Variants in CYP11A1 observed in about 807,000 individuals in gnomAD.
The protein encoded by CYP11A1 is cytochrome P450 family 11 subfamily A member 1, also known as cholesterol side-chain cleavage enzyme, mitochondrial.
In CYP11A1, 25 loss-of-function variants were observed where a neutral mutation model predicts 51.9. The observed-to-expected ratio is 0.48, with a 90% confidence interval of 0.35 to 0.67. The LOEUF (loss-of-function observed/expected upper bound fraction) is 0.67, where lower values mean the gene tolerates loss of function less well. Ranked by LOEUF, CYP11A1 falls within the 30% of genes least tolerant of loss-of-function variation. CYP11A1 has a pLI of 0.00. For synonymous variants in CYP11A1, 245 were observed against 262.1 expected (o/e 0.93, Z 0.63); for missense variants, 578 against 680.9 (o/e 0.85, Z 1.68).
At chr15:74,362,498 A>G in intron 1 of CYP11A1, 1 of 158,298 alleles carries the variant, frequency 6.3e-6, no homozygotes, top group Non-Finnish European at 1.4e-5. Context: ...TGGAAACATC[A>G]GAGAAAGACT....
At chr15:74,361,754 A>G (rs2060710013) in intron 1 of CYP11A1, 1 of 1,261,370 alleles carries the variant, frequency 7.9e-7, no homozygotes, top group South Asian at 1.2e-5. Flanking sequence ...GTGACTTCAT[A>G]TGCCATAATG....
At chr15:74,353,776 T>C (rs1184610540) in intron 1 of CYP11A1, among the ~76,000 whole-genome samples, 1 of 152,242 alleles carries the variant, frequency 6.6e-6, no homozygotes, top group East Asian at 1.9e-4. Context: ...TGTATGCATG[T>C]ATATAAAAAC....
At chr15:74,366,524 T>C (rs903476491) in intron 1 of CYP11A1, among the ~76,000 whole-genome samples, 5 of 151,190 alleles carry the variant, frequency 3.3e-5, no homozygotes, top group African/African-American at 1.2e-4. Flanking sequence ...TTCACCATGT[T>C]GGCCGGGTTG....
intron 5 of CYP11A1, among the ~76,000 whole-genome samples, chr15:74,340,409 T>C (rs776710521): frequency 1.3e-5 from 2 of 152,264 alleles, no homozygotes; most frequent in South Asian, 2.1e-4. Flanking sequence ...GATTCCTCAA[T>C]GATGACAAAC....
chr15:74,348,000 G>A lies in CYP11A1; in HGVS notation c.325C>T (p.Leu109Phe). The A allele has an allele frequency of 6.2e-7, 1 of 1,614,256 alleles. No homozygotes were observed. The highest frequency in any genetic ancestry group is 1.1e-5 in the South Asian group (1 of 91,088). The change falls in exon 2 of 9, where the codon CTT becomes TTT. Residue 109 changes from leucine to phenylalanine, a missense_variant. Transcript: ENST00000268053. Reference sequence around the variant, plus strand: ...TTGGGGCCCTCGGACTTAAAGAGAAGGGCCACATCTTCAGGGTCGATGACA... The same window carrying A: ...TTGGGGCCCTCGGACTTAAAGAGAAAGGCCACATCTTCAGGGTCGATGACA... ...VYVIDPEDVA[L>F]LFKSEGPNPE...
intron 2 of CYP11A1, among the ~76,000 whole-genome samples, chr15:74,346,268 A>T (rs796407320): frequency 1.9e-4 from 28 of 149,432 alleles, no homozygotes; most frequent in African/African-American, 5.9e-4. Context: ...CAATAGAATC[A>T]CTTGAACCCG....
intron 3 of CYP11A1, among the ~76,000 whole-genome samples, 199 bp from the exon 4 acceptor site, chr15:74,344,191 C>G (rs578233503): frequency 6.6e-6 from 1 of 152,308 alleles, no homozygotes; most frequent in African/African-American, 2.4e-5. Context: ...CCTCTGGCAA[C>G]CACACAGGTC....
At chr15:74,359,782 T>A (rs2060698870) in intron 1 of CYP11A1, among the ~76,000 whole-genome samples, 1 of 152,180 alleles carries the variant, frequency 6.6e-6, no homozygotes, top group Non-Finnish European at 1.5e-5. Context: ...GGGACACGCG[T>A]GAAAGAGAGA....
intron 1 of CYP11A1, among the ~76,000 whole-genome samples, chr15:74,357,398 G>A (rs1034500771): frequency 1.3e-5 from 2 of 152,130 alleles, no homozygotes; most frequent in Non-Finnish European, 2.9e-5. Flanking sequence ...TCTCCCTGCT[G>A]ATCACGTCCA....
chr15:74,347,667 T>G (rs1013019302), intron 2 of CYP11A1, among the ~76,000 whole-genome samples: 4 of 152,196 alleles, frequency 2.6e-5, no homozygotes, highest in African/African-American at 9.7e-5. Context: ...AATTATTCAT[T>G]AGGATCTTCA....
At chr15:74,350,027 A>C (rs1341352082) in intron 1 of CYP11A1, 1 of 309,296 alleles carries the variant, frequency 3.2e-6, no homozygotes, top group Non-Finnish European at 6.5e-6. Context: ...ATCTTTCCCC[A>C]GAAAAGTCTG....
At position 74,348,075 on chromosome 15, in the gene CYP11A1, G is replaced by A. The variant is rs1234566393; in HGVS notation, c.270-20C>T. Reference sequence around the variant, plus strand: ...TTCTCCCTGGAGGGGTGGGGGAGAGGGGCTGATGGAAGGATCCGAGGAGAG... The same window carrying A: ...TTCTCCCTGGAGGGGTGGGGGAGAGAGGCTGATGGAAGGATCCGAGGAGAG... On this transcript the variant is annotated intron_variant, in intron 1 of 8. Coordinates refer to ENST00000268053, the MANE Select transcript of CYP11A1 (RefSeq NM_000781.3). 3 of 1,613,456 alleles carry A rather than the reference G, an allele frequency of 1.9e-6. No individual in the cohort carries two copies. The Middle Eastern group carries it at 5.0e-4, about 266-fold the overall frequency.
intron 1 of CYP11A1, chr15:74,364,215 A>G (rs569978864): frequency 6.5e-6 from 1 of 153,076 alleles, no homozygotes; most frequent in South Asian, 2.1e-4. Flanking sequence ...CACTAGATAG[A>G]GCAGGGTGAG....
Position 74,339,593 on chromosome 15 carries a change from G to A in CYP11A1, c.1151C>T (p.Thr384Ile). 2 of 1,614,002 alleles carry A rather than the reference G, an allele frequency of 1.2e-6. No homozygotes were observed. The highest frequency in any genetic ancestry group is 1.6e-4 in the Middle Eastern group (1 of 6,062). Residue 384 changes from threonine to isoleucine, a missense_variant, in exon 6 of 9, where the codon ACA becomes ATA. Physicochemically the swap from Thr to Ile is moderately conservative, Grantham distance 89. Coordinates refer to ENST00000268053, the MANE Select transcript of CYP11A1 (RefSeq NM_000781.3). ...VPLLKASIKE[T>I]LRLHPISVTL... Reference sequence around the variant, plus strand: ...TGGGTGGTTGTGGGCTTGCCTTAGTGTCTCCTTGATGCTGGCTTTGAGGAG... The same window carrying A: ...TGGGTGGTTGTGGGCTTGCCTTAGTATCTCCTTGATGCTGGCTTTGAGGAG...
chr15:74,357,196 T>C (rs1333462198), intron 1 of CYP11A1, among the ~76,000 whole-genome samples: 2 of 152,158 alleles, frequency 1.3e-5, no homozygotes, highest in Non-Finnish European at 2.9e-5. Context: ...TTCTCTACTA[T>C]TCCTTTGCAC....
intron 1 of CYP11A1, chr15:74,361,559 A>G: frequency 1.2e-6 from 1 of 802,502 alleles, no homozygotes; most frequent in Non-Finnish European, 2.1e-6. Flanking sequence ...GCCATGGTCA[A>G]CCCCACCGTG....
chr15:74,361,686 T>A (rs1170836334), intron 1 of CYP11A1: 40 of 1,222,520 alleles, frequency 3.3e-5, no homozygotes, highest in Non-Finnish European at 4.1e-5. Flanking sequence ...AGAGGAAGGA[T>A]TTGGTTATAA....
intron 1 of CYP11A1, chr15:74,363,164 G>A (rs2060716650): frequency 6.6e-6 from 1 of 152,238 alleles, no homozygotes; most frequent in Admixed American, 6.5e-5. Flanking sequence ...CGAAGTATCT[G>A]TGCAGCTGCT....
At chr15:74,355,310 G>C (rs1039137192) in intron 1 of CYP11A1, among the ~76,000 whole-genome samples, 21 of 152,294 alleles carry the variant, frequency 1.4e-4, no homozygotes, top group Middle Eastern at 3.4e-3. Context: ...CAAATAGCCA[G>C]AAAACGGCAC....
Sources: gnomAD v4.1 joint callset for allele counts (sites outside exome capture counted in the v4.1 genomes callset) on GRCh38, gnomAD v4.1.1 for gene constraint, MANE v1.5 for transcripts, NCBI Gene and HGNC (gene_info 2026-07-23, HGNC 2026-07-21) for gene names.